Variants in ANXA7 observed in about 807,000 individuals in gnomAD.
The protein encoded by ANXA7 is annexin VII.
ANXA7 carries 55 observed loss-of-function variants against 64.9 expected under a neutral mutation model. The ratio of observed to expected loss-of-function variants is 0.85; its 90% confidence interval spans 0.68 to 1.06. The LOEUF (loss-of-function observed/expected upper bound fraction) is 1.06. Ranked by LOEUF, ANXA7 falls within the 50% of genes least tolerant of loss-of-function variation. ANXA7 has a pLI of 0.00. For missense variants in ANXA7, 548 were observed against 582.1 expected, an observed-to-expected ratio of 0.94 and a Z score of 0.60; for synonymous variants, 200 against 192.4, an observed-to-expected ratio of 1.04 and a Z score of -0.33.
At chr10:73,384,608 C>T (rs2055331867) in intron 7 of ANXA7, among the ~76,000 whole-genome samples, 1 of 151,986 alleles carries the variant, frequency 6.6e-6, no homozygotes, top group Admixed American at 6.6e-5. Flanking sequence ...CACATGTTGG[C>T]CAGGCTGGTC....
rs549836309 is a variant in ANXA7, at chr10:73,410,938, C to T, written c.-2+3074G>A. ...TCTACCATTCAATCCAGAAATTCCACTGCTGGGTATCTACCCAAAGGAAAG... is the reference window on the plus strand; with the variant it reads ...TCTACCATTCAATCCAGAAATTCCATTGCTGGGTATCTACCCAAAGGAAAG... On this transcript the variant is annotated intron_variant, in intron 1 of 12. Coordinates refer to ENST00000372921, the MANE Select transcript of ANXA7 (RefSeq NM_001156.5). 2.0e-5 allele frequency among the ~76,000 whole-genome samples: 3 copies of T among 152,294 alleles called. No homozygotes were observed. In the East Asian group the frequency reaches 5.8e-4, roughly 29 times the overall value.
intron 12 of ANXA7, among the ~76,000 whole-genome samples, chr10:73,376,549 G>A (rs1430713876): frequency 1.3e-5 from 2 of 152,216 alleles, no homozygotes; most frequent in East Asian, 3.8e-4. Context: ...GGGAACACTT[G>A]TACACAGGTT....
chr10:73,394,127 C>T (rs1463471856), intron 5 of ANXA7, among the ~76,000 whole-genome samples: 6 of 152,270 alleles, frequency 3.9e-5, no homozygotes, highest in Non-Finnish European at 8.8e-5. Flanking sequence ...TCATCACTGG[C>T]CATCAGAGAA....
Position 73,385,939 on chromosome 10 carries a change from C to T in ANXA7, c.633+1750G>A, listed in dbSNP as rs549972782. Among the ~76,000 whole-genome samples the T allele has an allele frequency of 3.9e-5, 6 of 152,186 alleles. No individual in the cohort carries two copies. The South Asian group carries it at 8.3e-4, about 21-fold the overall frequency. ...TATCTAAATGGCAAAGCAGGTCAGGCGTGGTGGCTCATGCCTGTAATCCCA... is the reference window on the plus strand; with the variant it reads ...TATCTAAATGGCAAAGCAGGTCAGGTGTGGTGGCTCATGCCTGTAATCCCA... On this transcript the variant is annotated intron_variant, in intron 7 of 12. Coordinates refer to ENST00000372921, the MANE Select transcript of ANXA7 (RefSeq NM_001156.5).
chr10:73,411,446 ATCTT>A (rs1246473964), intron 1 of ANXA7, among the ~76,000 whole-genome samples: 2 of 152,156 alleles, frequency 1.3e-5, no homozygotes, highest in Admixed American at 6.5e-5. Context: ...TTGAAATTTT[ATCTT>A]TTTTTTTGGA....
intron 2 of ANXA7, 57 bp from the exon 3 acceptor site, chr10:73,398,442 T>A: frequency 6.8e-7 from 1 of 1,463,822 alleles, no homozygotes; most frequent in Non-Finnish European, 9.4e-7. Context: ...ATGACCCATC[T>A]AAAAATAAGG....
At chr10:73,395,122 T>C (rs1259181953) in intron 5 of ANXA7, among the ~76,000 whole-genome samples, 2 of 152,144 alleles carry the variant, frequency 1.3e-5, no homozygotes, top group African/African-American at 2.4e-5. Flanking sequence ...CAAAGCAACT[T>C]TGTATAAGAG....
intron 1 of ANXA7, among the ~76,000 whole-genome samples, chr10:73,402,195 CTTTTTA>C (rs1264566484): frequency 6.6e-6 from 1 of 151,914 alleles, no homozygotes; most frequent in Non-Finnish European, 1.5e-5. Context: ...TTTTTATAAA[CTTTTTA>C]TTTTTGAGAC....
At chr10:73,406,399 T>C (rs2055759349) in intron 1 of ANXA7, among the ~76,000 whole-genome samples, 1 of 152,208 alleles carries the variant, frequency 6.6e-6, no homozygotes, top group Non-Finnish European at 1.5e-5. Flanking sequence ...TTATACTCTG[T>C]CACCCTCCCA....
At chr10:73,398,867 G>A (rs959686492) in intron 2 of ANXA7, among the ~76,000 whole-genome samples, 1 of 152,098 alleles carries the variant, frequency 6.6e-6, no homozygotes, top group African/African-American at 2.4e-5. Context: ...TGGACTTCAT[G>A]GTTCAGAGCA....
At chr10:73,384,511 C>T (rs1339465856) in intron 7 of ANXA7, among the ~76,000 whole-genome samples, 1 of 152,038 alleles carries the variant, frequency 6.6e-6, no homozygotes, top group East Asian at 1.9e-4. Context: ...AAGCGCTTCT[C>T]CTTCCTCAGC....
chr10:73,384,342 G>A (rs1295857810), intron 7 of ANXA7, among the ~76,000 whole-genome samples: 1 of 152,128 alleles, frequency 6.6e-6, no homozygotes, highest in Non-Finnish European at 1.5e-5. Flanking sequence ...CTTAGTAAAA[G>A]GAACTGTTCT....
chr10:73,396,601 A>T lies in ANXA7; in HGVS notation c.371-18T>A, dbSNP rs370677847. On this transcript the variant is annotated intron_variant, in intron 4 of 12. Coordinates refer to ENST00000372921, the MANE Select transcript of ANXA7 (RefSeq NM_001156.5). The stretch of plus-strand genomic sequence containing the variant: ...AAAGCCACCTATAATGTTAAAAAAA[A>T]TAATAATAATACGGCAACAGGTCTT... 5 of 1,525,244 alleles carry T rather than the reference A, an allele frequency of 3.3e-6. No homozygotes were observed. Among genetic ancestry groups the T allele is most frequent in the Non-Finnish European group, 4.5e-6 (5 of 1,108,550 alleles). 94.5% of individuals were successfully genotyped at this position (1,525,244 alleles called of 1,614,324 possible).
intron 1 of ANXA7, among the ~76,000 whole-genome samples, chr10:73,406,194 G>A (rs2055756165): frequency 6.6e-6 from 1 of 152,168 alleles, no homozygotes; most frequent in Non-Finnish European, 1.5e-5. Flanking sequence ...GACCTCAGGT[G>A]ATCTGGCCGC....
intron 12 of ANXA7, among the ~76,000 whole-genome samples, chr10:73,377,767 G>GGGGTGTGT (rs2055199395): frequency 8.8e-6 from 1 of 114,204 alleles, no homozygotes; most frequent in African/African-American, 4.6e-5. Flanking sequence ...CCGGGGGGTG[G>GGGGTGTGT]GTGTGGGTGT....
At chr10:73,394,484 G>A (rs1208104501) in intron 5 of ANXA7, among the ~76,000 whole-genome samples, 7 of 152,196 alleles carry the variant, frequency 4.6e-5, no homozygotes, top group Non-Finnish European at 8.8e-5. Flanking sequence ...ATGATAGACT[G>A]GATTAAGAAA....
intron 5 of ANXA7, among the ~76,000 whole-genome samples, chr10:73,391,556 G>C (rs866577219): frequency 6.6e-6 from 1 of 152,144 alleles, no homozygotes; most frequent in African/African-American, 2.4e-5. Flanking sequence ...AGGCTGCAGT[G>C]AGCTTTGATC....
In ANXA7 at chr10:73,400,824, G is replaced by A; in HGVS notation, c.33C>T (p.Tyr11=). ...TTACAGGATATCCAGGGAAAGGTGG[G>A]TAGCCTGTTGGGGGATAGCCTGGGT... The part of the protein sequence containing the change: MSYPGYPPTG[Y]PPFPGYPPAG... Residue 11 remains tyrosine, a synonymous_variant, in exon 2 of 13, where the codon TAC becomes TAT. Transcript: ENST00000372921. The A allele has an allele frequency of 6.2e-7, 1 of 1,605,900 alleles. No homozygotes were observed. Among genetic ancestry groups the A allele is most frequent in the Non-Finnish European group, 8.5e-7 (1 of 1,175,580 alleles).
At chr10:73,389,286 A>G (rs978639096) in intron 5 of ANXA7, among the ~76,000 whole-genome samples, 2 of 152,238 alleles carry the variant, frequency 1.3e-5, no homozygotes, top group African/African-American at 4.8e-5. Context: ...GGCATGAACA[A>G]CAAAGACTGA....
Sources: allele counts gnomAD v4.1 joint callset (sites outside exome capture counted in the v4.1 genomes callset), GRCh38; gene constraint gnomAD v4.1.1; transcripts MANE v1.5; gene names NCBI Gene and HGNC (gene_info 2026-07-23, HGNC 2026-07-21).